Variants in GRXCR1 observed in about 807,000 individuals in gnomAD.
GRXCR1 encodes glutaredoxin and cysteine rich domain containing 1.
Under a neutral mutation model 27.3 loss-of-function variants are expected in GRXCR1, and 27 were observed. That is an observed-to-expected ratio of 0.99 (90% CI 0.73 to 1.37). GRXCR1 has a LOEUF of 1.37. GRXCR1 is among the 40% of genes most tolerant of loss of function. GRXCR1 has a pLI of 0.00. For missense variants in GRXCR1, 379 were observed against 354.4 expected, an observed-to-expected ratio of 1.07 and a Z score of -0.56; for synonymous variants, 122 against 131.1, an observed-to-expected ratio of 0.93 and a Z score of 0.47.
At chr4:42,946,711 G>A (rs912003997) in intron 1 of GRXCR1, among the ~76,000 whole-genome samples, 3 of 152,066 alleles carry the variant, frequency 2.0e-5, no homozygotes, top group Non-Finnish European at 4.4e-5. Context: ...TTTTATAAAG[G>A]CACTAATCCC....
At chr4:42,932,834 G>T (rs1747361827) in intron 1 of GRXCR1, among the ~76,000 whole-genome samples, 1 of 151,564 alleles carries the variant, frequency 6.6e-6, no homozygotes, top group South Asian at 2.1e-4. Flanking sequence ...TCCTGAGTTT[G>T]AGAGAGTTGG....
intron 2 of GRXCR1, among the ~76,000 whole-genome samples, chr4:42,997,240 C>T (rs1194343240): frequency 2.6e-5 from 4 of 151,870 alleles, no homozygotes; most frequent in Non-Finnish European, 5.9e-5. Context: ...CTTTTTTTCC[C>T]TTTATTTTTG....
At chr4:42,985,030 G>A (rs1238484443) in intron 2 of GRXCR1, among the ~76,000 whole-genome samples, 1 of 152,152 alleles carries the variant, frequency 6.6e-6, no homozygotes, top group East Asian at 1.9e-4. Flanking sequence ...CTAAGTGTAT[G>A]ATACCTCACT....
chr4:42,975,987 G>A (rs1160151476), intron 2 of GRXCR1, among the ~76,000 whole-genome samples: 1 of 152,130 alleles, frequency 6.6e-6, no homozygotes, highest in Non-Finnish European at 1.5e-5. Flanking sequence ...TTCACGTACA[G>A]TCTTTCCTTA....
rs140167288 is a variant in GRXCR1, at chr4:42,966,319, A to G, written c.627+3185A>G. On this transcript the variant is annotated intron_variant, in intron 2 of 3. Coordinates refer to ENST00000399770, the MANE Select transcript of GRXCR1 (RefSeq NM_001080476.3). ...ATCCACAAAACCCACATTGGAATGG[A>G]GCTATAAAATGTAGAATGAACCTAA... 2.2e-3 allele frequency among the ~76,000 whole-genome samples: 336 copies of G among 152,178 alleles called. 2 individuals are homozygous for G. Among genetic ancestry groups the G allele is most frequent in the African/African-American group, 7.7e-3 (322 of 41,554 alleles).
intron 1 of GRXCR1, among the ~76,000 whole-genome samples, chr4:42,908,040 A>AG (rs1049805773): frequency 6.6e-6 from 1 of 152,136 alleles, no homozygotes. Context: ...GCCTTCCTAC[A>AG]GGGGGGTCAT....
intron 1 of GRXCR1, among the ~76,000 whole-genome samples, chr4:42,955,600 G>A (rs539821651): frequency 8.7e-4 from 133 of 152,162 alleles, no homozygotes; most frequent in Admixed American, 1.6e-3. Context: ...CTGAGCCTAG[G>A]TTTCTAGATC....
chr4:43,006,942 A>G (rs1380350321), intron 2 of GRXCR1, among the ~76,000 whole-genome samples: 1 of 152,162 alleles, frequency 6.6e-6, no homozygotes, highest in Non-Finnish European at 1.5e-5. Flanking sequence ...CTGACACTTA[A>G]GGAAAATAGA....
intron 2 of GRXCR1, among the ~76,000 whole-genome samples, chr4:43,015,143 G>A (rs1024832208): frequency 1.3e-5 from 2 of 152,146 alleles, no homozygotes; most frequent in African/African-American, 2.4e-5. Flanking sequence ...AGGATGTCCA[G>A]GAGAAGGAGA....
intron 1 of GRXCR1, among the ~76,000 whole-genome samples, chr4:42,950,645 G>A (rs1027474095): frequency 1.3e-5 from 2 of 152,076 alleles, no homozygotes; most frequent in African/African-American, 4.8e-5. Context: ...AGTGATAGAT[G>A]GCATGTTTGT....
chr4:42,930,049 T>G (rs951889595), intron 1 of GRXCR1, among the ~76,000 whole-genome samples: 1 of 152,002 alleles, frequency 6.6e-6, no homozygotes, highest in African/African-American at 2.4e-5. Context: ...TCTCAGTAGA[T>G]TCTCTCTGTC....
intron 2 of GRXCR1, among the ~76,000 whole-genome samples, chr4:43,006,823 T>C (rs796960031): frequency 3.5e-4 from 53 of 152,314 alleles, no homozygotes; most frequent in African/African-American, 1.2e-3. Flanking sequence ...TTGCTGGTTT[T>C]TGTGGCTTGT....
chr4:43,019,479 T>G (rs1248211044), intron 2 of GRXCR1, among the ~76,000 whole-genome samples: 1 of 152,202 alleles, frequency 6.6e-6, no homozygotes, highest in Non-Finnish European at 1.5e-5. Context: ...AGCCAGCAAC[T>G]GTGCTGAACG....
At chr4:42,939,340 G>T (rs1747547094) in intron 1 of GRXCR1, among the ~76,000 whole-genome samples, 1 of 150,174 alleles carries the variant, frequency 6.7e-6, no homozygotes, top group Non-Finnish European at 1.5e-5. Context: ...TATGAATTTT[G>T]TACGTTGATT....
chr4:43,026,716 TC>T (rs1161491169), intron 3 of GRXCR1, among the ~76,000 whole-genome samples: 1 of 152,226 alleles, frequency 6.6e-6, no homozygotes, highest in Non-Finnish European at 1.5e-5. Context: ...TATTCCACTT[TC>T]TAGTTATAAC....
intron 1 of GRXCR1, among the ~76,000 whole-genome samples, chr4:42,929,605 G>A (rs1747257690): frequency 6.6e-6 from 1 of 151,820 alleles, no homozygotes; most frequent in African/African-American, 2.4e-5. Flanking sequence ...TTGTGTGGGT[G>A]GGGGAAGTGA....
At chr4:42,963,738 T>C (rs567187416) in intron 2 of GRXCR1, among the ~76,000 whole-genome samples, 2 of 152,056 alleles carry the variant, frequency 1.3e-5, no homozygotes, top group South Asian at 4.1e-4. Flanking sequence ...TTAGTGTAGT[T>C]AACTCCCATT....
chr4:42,907,789 GTGGAACT>G (rs1230739431), intron 1 of GRXCR1, among the ~76,000 whole-genome samples: 1 of 152,146 alleles, frequency 6.6e-6, no homozygotes, highest in Non-Finnish European at 1.5e-5. Flanking sequence ...TTTAAGTTTA[GTGGAACT>G]CTTACTGCAT....
intron 2 of GRXCR1, among the ~76,000 whole-genome samples, chr4:43,002,235 T>C (rs1022010012): frequency 1.3e-5 from 2 of 152,304 alleles, no homozygotes; most frequent in Admixed American, 1.3e-4. Context: ...TGGGGGACAG[T>C]CAGGTCTTTC....
Sources: allele counts gnomAD v4.1 joint callset (sites outside exome capture counted in the v4.1 genomes callset), GRCh38; gene constraint gnomAD v4.1.1; transcripts MANE v1.5; gene names NCBI Gene and HGNC (gene_info 2026-07-23, HGNC 2026-07-21).